VPS13D: variants seen among roughly 807,000 people sequenced by gnomAD.
VPS13D encodes the protein intermembrane lipid transfer protein VPS13D.
Under a neutral mutation model 461.9 loss-of-function variants are expected in VPS13D, and 187 were observed. The ratio of observed to expected loss-of-function variants is 0.40; its 90% CI spans 0.36 to 0.46. VPS13D has a LOEUF of 0.46. Ranked by LOEUF, VPS13D falls within the 20% of genes least tolerant of loss-of-function variation. VPS13D has a pLI of 0.60. For synonymous variants in VPS13D, 1,951 were observed against 1,986.3 expected (o/e 0.98, Z 0.47); for missense variants, 4,711 against 5,364.9 (o/e 0.88, Z 3.81).
intron 26 of VPS13D, among the ~76,000 whole-genome samples, chr1:12,306,046 C>A (rs368032705): frequency 1.3e-5 from 2 of 151,676 alleles, no homozygotes; most frequent in Non-Finnish European, 2.9e-5. Context: ...TGCAGTGATG[C>A]GATCTTGGCT....
chr1:12,355,131 G>A (rs1451636241), intron 47 of VPS13D, among the ~76,000 whole-genome samples: 1 of 152,232 alleles, frequency 6.6e-6, no homozygotes, highest in Non-Finnish European at 1.5e-5. Context: ...ACTCAGCAGT[G>A]TATGAGTGGG....
intron 65 of VPS13D, among the ~76,000 whole-genome samples, chr1:12,447,972 G>A (rs1443680121): frequency 6.6e-6 from 1 of 152,216 alleles, no homozygotes; most frequent in Non-Finnish European, 1.5e-5. Flanking sequence ...ATTCAGTGGG[G>A]GAGAAAGAGG....
At chr1:12,237,165 C>T (rs1318573028) in intron 2 of VPS13D, among the ~76,000 whole-genome samples, 1 of 151,494 alleles carries the variant, frequency 6.6e-6, no homozygotes, top group Non-Finnish European at 1.5e-5. Context: ...ATGTAGATTG[C>T]ATCCACATAT....
At chr1:12,348,285 A>T (rs1643719446) in intron 44 of VPS13D, among the ~76,000 whole-genome samples, 1 of 152,246 alleles carries the variant, frequency 6.6e-6, no homozygotes, top group South Asian at 2.1e-4. Context: ...GGAGGAAAAT[A>T]ACACAGAAGG....
At chr1:12,251,208 A>C (rs1000441478) in intron 6 of VPS13D, among the ~76,000 whole-genome samples, 23 of 152,268 alleles carry the variant, frequency 1.5e-4, no homozygotes, top group African/African-American at 5.5e-4. Context: ...TTTATGGAAG[A>C]GCGTGCCATC....
rs763541476 is a variant in VPS13D, at chr1:12,314,066, T to C, written c.6936-49T>C. ...CTCGAACTTATATACTTTTGTAAAATGGAAGAGTTGTGTTTCACATCTTGC... is the reference window on the plus strand; with the variant it reads ...CTCGAACTTATATACTTTTGTAAAACGGAAGAGTTGTGTTTCACATCTTGC... On this transcript the variant is annotated intron_variant, in intron 29 of 69. Transcript: ENST00000620676. 9.1e-6 allele frequency: 14 copies of C among 1,544,842 alleles called. No homozygotes were observed. The South Asian group carries it at 1.4e-4, about 15-fold the overall frequency.
intron 67 of VPS13D, among the ~76,000 whole-genome samples, chr1:12,492,708 T>C (rs896581037): frequency 3.9e-5 from 6 of 152,218 alleles, no homozygotes; most frequent in African/African-American, 1.4e-4. Flanking sequence ...GCATCATTTG[T>C]AATAGCAGAA....
chr1:12,283,784 G>T (rs776295644), intron 21 of VPS13D, 48 bp downstream of exon 21: 2 of 1,525,088 alleles, frequency 1.3e-6, no homozygotes, highest in South Asian at 1.3e-5. Context: ...AATGGATTTG[G>T]GCTTGTTGAT....
chr1:12,361,649 C>T (rs1643952242), intron 50 of VPS13D, among the ~76,000 whole-genome samples: 1 of 151,876 alleles, frequency 6.6e-6, no homozygotes, highest in South Asian at 2.1e-4. Context: ...CCCGCCTCGG[C>T]CTCCCAAAGT....
rs1557659297 is a variant in VPS13D at position 12,242,608 on chromosome 1, A to AG, written c.175+23dup. The AG allele has an allele frequency of 1.2e-6, 2 of 1,608,650 alleles. No individual in the cohort carries two copies. Among genetic ancestry groups the AG allele is most frequent in the Admixed American group, 1.7e-5 (1 of 59,872 alleles). The stretch of plus-strand genomic sequence containing the variant: ...CAAAGCTGGTATGTGGAACTAAAGG[A>AG]GGGGGAAGAAATTTGAGTCTTAAAT... On this transcript the variant is annotated intron_variant, in intron 3 of 69. Coordinates refer to ENST00000620676, the MANE Select transcript of VPS13D (RefSeq NM_015378.4).
chr1:12,265,037 G>A (rs1641225271), intron 13 of VPS13D, among the ~76,000 whole-genome samples: 1 of 152,072 alleles, frequency 6.6e-6, no homozygotes, highest in Non-Finnish European at 1.5e-5. Flanking sequence ...TATCAATGGA[G>A]CAACAAAGCT....
chr1:12,231,540 T>G (rs981739028), intron 1 of VPS13D, among the ~76,000 whole-genome samples: 9 of 152,214 alleles, frequency 5.9e-5, no homozygotes, highest in South Asian at 2.1e-4. Context: ...AATTGGTAAT[T>G]GGCACTCAGA....
At chr1:12,388,390 C>T (rs537231016) in intron 60 of VPS13D, among the ~76,000 whole-genome samples, 21 of 152,120 alleles carry the variant, frequency 1.4e-4, no homozygotes, top group South Asian at 6.2e-4. Flanking sequence ...GCCTGGCCAA[C>T]GTGGTGAAAC....
At chr1:12,387,176 T>C (rs1029904028) in intron 60 of VPS13D, among the ~76,000 whole-genome samples, 2 of 152,184 alleles carry the variant, frequency 1.3e-5, no homozygotes, top group Non-Finnish European at 2.9e-5. Flanking sequence ...TAAGAATTTA[T>C]GAGACGTTGG....
chr1:12,382,828 TG>T (rs1363422215), intron 57 of VPS13D, 147 bp from the exon 58 acceptor site: 2 of 669,754 alleles, frequency 3.0e-6, no homozygotes, highest in South Asian at 2.5e-5. Flanking sequence ...TCTGCAAAGC[TG>T]AACAAATAGT....
intron 65 of VPS13D, among the ~76,000 whole-genome samples, chr1:12,418,511 G>T (rs1466853925): frequency 6.6e-6 from 1 of 151,876 alleles, no homozygotes; most frequent in African/African-American, 2.4e-5. Flanking sequence ...AAGTCTTCTT[G>T]GTTTTATAAT....
At chr1:12,374,915 T>G (rs902517244) in intron 55 of VPS13D, among the ~76,000 whole-genome samples, 1 of 152,196 alleles carries the variant, frequency 6.6e-6, no homozygotes, top group South Asian at 2.1e-4. Flanking sequence ...TTCTTGTATT[T>G]TTAGTAGAGA....
intron 68 of VPS13D, among the ~76,000 whole-genome samples, chr1:12,506,074 A>C (rs1364714398): frequency 6.6e-6 from 1 of 152,182 alleles, no homozygotes; most frequent in Non-Finnish European, 1.5e-5. Flanking sequence ...GTCCCTGGAC[A>C]CTGCAGCCCC....
chr1:12,314,337 C>G lies in VPS13D; in HGVS notation c.7148+10C>G, dbSNP rs1191735223. 6.2e-7 allele frequency: 1 copy of G among 1,603,908 alleles called. No individual in the cohort carries two copies. The highest frequency in any genetic ancestry group is 1.3e-5 in the African/African-American group (1 of 74,750). On this transcript the variant is annotated intron_variant, in intron 30 of 69. Coordinates refer to ENST00000620676, the MANE Select transcript of VPS13D (RefSeq NM_015378.4). ...TTGAACTACATTTCAGGTAGCAGGT[C>G]CAGACCCTTCTCTGCCTTTCTTTGT... is the stretch of plus-strand genomic sequence containing the variant.
Sources: allele counts gnomAD v4.1 joint callset (sites outside exome capture counted in the v4.1 genomes callset), GRCh38; gene constraint gnomAD v4.1.1; transcripts MANE v1.5; gene names NCBI Gene and HGNC (gene_info 2026-07-23, HGNC 2026-07-21).